The following PTPN3 variants were observed in gnomAD, a reference collection of about 807,000 sequenced individuals.
The protein encoded by PTPN3 is tyrosine-protein phosphatase non-receptor type 3.
A neutral mutation model predicts 132.7 loss-of-function variants in PTPN3; 96 were observed. The observed-to-expected ratio is 0.72, with a 90% CI of 0.61 to 0.86. The LOEUF (loss-of-function observed/expected upper bound fraction) is 0.86. PTPN3 is among the 40% of genes least tolerant of loss of function. PTPN3 has a pLI of 0.00. For missense variants in PTPN3, 1,125 were observed against 1,159.6 expected (o/e 0.97, Z 0.43); for synonymous variants, 398 against 429.0 (o/e 0.93, Z 0.89).
At chr9:109,490,504 G>T (rs1054986964) in intron 1 of PTPN3, among the ~76,000 whole-genome samples, 1 of 152,188 alleles carries the variant, frequency 6.6e-6, no homozygotes, top group Non-Finnish European at 1.5e-5. Flanking sequence ...TTGGGAGGCC[G>T]AGGTGGGCGG....
intron 1 of PTPN3, among the ~76,000 whole-genome samples, chr9:109,473,112 C>T (rs1380189821): frequency 6.6e-6 from 1 of 152,152 alleles, no homozygotes; most frequent in African/African-American, 2.4e-5. Flanking sequence ...TCAGATTTTT[C>T]TCTAGCACAA....
the PTPN3 span, among the ~76,000 whole-genome samples, chr9:109,522,149 G>A: frequency 1.2e-3 from 188 of 152,312 alleles, 1 homozygote; most frequent in Middle Eastern, 6.8e-3. Context: ...CCGCACCTGG[G>A]AATATGTTAA....
In PTPN3 at chr9:109,410,418, T is replaced by TA; in HGVS notation, c.1314-4_1314-3insT. The stretch of plus-strand genomic sequence containing the variant: ...CCGGATTGTTCTCGGATAAACTCCT[T>TA]CATCATGGGGAAGGAGGAGATATTA... On this transcript the variant is annotated splice_polypyrimidine_tract_variant and splice_region_variant and intron_variant, in intron 14 of 25. Transcript: ENST00000374541. 6.2e-7 allele frequency: 1 copy of TA among 1,613,682 alleles called. No individual in the cohort carries two copies. The highest frequency in any genetic ancestry group is 8.5e-7 in the Non-Finnish European group (1 of 1,179,638).
At chr9:109,514,318 T>G in the PTPN3 span, among the ~76,000 whole-genome samples, 1 of 152,172 alleles carries the variant, frequency 6.6e-6, no homozygotes, top group Admixed American at 6.5e-5. Flanking sequence ...AAACTTGCAA[T>G]GTAGGCTCTC....
chr9:109,444,622 T>TA (rs1844727396), intron 7 of PTPN3, among the ~76,000 whole-genome samples: 1 of 151,498 alleles, frequency 6.6e-6, no homozygotes, highest in African/African-American at 2.4e-5. Context: ...AAATAAAACA[T>TA]AAAAAACCTC....
intron 19 of PTPN3, among the ~76,000 whole-genome samples, chr9:109,401,504 CTT>C (rs1386401866): frequency 6.6e-6 from 1 of 152,212 alleles, no homozygotes; most frequent in East Asian, 1.9e-4. Context: ...AAGTTGAACA[CTT>C]TTCAAGGGAA....
intron 14 of PTPN3, among the ~76,000 whole-genome samples, chr9:109,414,770 C>T (rs1262981065): frequency 2.0e-5 from 3 of 152,250 alleles, no homozygotes; most frequent in Non-Finnish European, 4.4e-5. Context: ...GTCAATTCAT[C>T]CCTGAATTCT....
chr9:109,418,122 T>C (rs1345533708), intron 14 of PTPN3, among the ~76,000 whole-genome samples: 1 of 152,226 alleles, frequency 6.6e-6, no homozygotes, highest in African/African-American at 2.4e-5. Context: ...GTAGGGCACG[T>C]ACTGTTCCCT....
chr9:109,432,986 A>G, intron 10 of PTPN3, 87 bp downstream of exon 10: 1 of 1,531,638 alleles, frequency 6.5e-7, no homozygotes, highest in Non-Finnish European at 8.8e-7. Context: ...TTTAGAAATA[A>G]ACATTTAGAA....
intron 1 of PTPN3, among the ~76,000 whole-genome samples, chr9:109,469,404 A>C (rs1846258866): frequency 6.6e-6 from 1 of 152,218 alleles, no homozygotes; most frequent in South Asian, 2.1e-4. Context: ...AGATCACCTG[A>C]GGTCAGGAGT....
At chr9:109,429,801 T>C (rs781173323) in intron 10 of PTPN3, among the ~76,000 whole-genome samples, 1 of 152,164 alleles carries the variant, frequency 6.6e-6, no homozygotes, top group Non-Finnish European at 1.5e-5. Context: ...CTGTAATCCA[T>C]ACAAAGGGTG....
chr9:109,497,256 G>A (rs1446147515), intron 1 of PTPN3, among the ~76,000 whole-genome samples: 1 of 152,100 alleles, frequency 6.6e-6, no homozygotes, highest in Admixed American at 6.6e-5. Flanking sequence ...GTCTCTAAAC[G>A]AATTAAATTC....
chr9:109,538,228 TAC>T, the PTPN3 span, among the ~76,000 whole-genome samples: 1 of 152,264 alleles, frequency 6.6e-6, no homozygotes, highest in Admixed American at 6.5e-5. Flanking sequence ...GAAAGGAACT[TAC>T]AGTTTTCCGG....
At chr9:109,492,384 C>T (rs1403697643) in intron 1 of PTPN3, among the ~76,000 whole-genome samples, 1 of 152,228 alleles carries the variant, frequency 6.6e-6, no homozygotes, top group East Asian at 1.9e-4. Context: ...TTGGAATATC[C>T]CTTCAGTCCT....
chr9:109,462,066 A>G (rs1336758037), intron 2 of PTPN3, among the ~76,000 whole-genome samples: 3 of 152,206 alleles, frequency 2.0e-5, no homozygotes, highest in African/African-American at 7.2e-5. Context: ...ATGCCCTGAC[A>G]CTGGGGAATA....
chr9:109,499,025 T>C (rs1240215332), upstream of PTPN3, among the ~76,000 whole-genome samples: 1 of 152,010 alleles, frequency 6.6e-6, no homozygotes, highest in East Asian at 1.9e-4. Context: ...TTCATAGCAT[T>C]TAACAGTGAT....
intron 1 of PTPN3, among the ~76,000 whole-genome samples, chr9:109,497,926 C>A (rs1564492630): frequency 6.7e-6 from 1 of 148,356 alleles, no homozygotes; most frequent in Admixed American, 6.7e-5. Context: ...CCGGCTGGAG[C>A]GCACGCCCAC....
intron 5 of PTPN3, 31 bp downstream of exon 5, chr9:109,454,465 T>C: frequency 1.3e-6 from 2 of 1,573,272 alleles, no homozygotes; most frequent in Non-Finnish European, 1.7e-6. Context: ...TTTTATACAC[T>C]AAACAGAAAA....
chr9:109,391,607 G>T, intron 19 of PTPN3, 46 bp from the exon 20 acceptor site: 1 of 1,479,590 alleles, frequency 6.8e-7, no homozygotes, highest in South Asian at 1.2e-5. Context: ...AAAATCAGAT[G>T]AAGAAAGTGT....
Sources: gnomAD v4.1 joint callset for allele counts (sites outside exome capture counted in the v4.1 genomes callset) on GRCh38, gnomAD v4.1.1 for gene constraint, MANE v1.5 for transcripts, NCBI Gene and HGNC (gene_info 2026-07-23, HGNC 2026-07-21) for gene names.